The following CEP120 variants were observed in gnomAD, a reference collection of about 807,000 sequenced individuals.
The protein encoded by CEP120 is centrosomal protein of 120 kDa.
Under a neutral mutation model 126.5 loss-of-function variants are expected in CEP120, and 113 were observed. The ratio of observed to expected loss-of-function variants is 0.89; its 90% CI spans 0.77 to 1.04. The LOEUF (loss-of-function observed/expected upper bound fraction) is 1.04, where lower values mean the gene tolerates loss of function less well. Among genes scored for constraint, CEP120 ranks in the 50% least tolerant of loss-of-function variants. CEP120 has a pLI of 0.00. For missense variants in CEP120, 1,230 were observed against 1,155.7 expected (o/e 1.06, Z -0.93); for synonymous variants, 400 against 394.3 (o/e 1.01, Z -0.17).
chr5:123,349,728 ACTC>A (rs1411665281), intron 19 of CEP120, among the ~76,000 whole-genome samples: 1 of 151,932 alleles, frequency 6.6e-6, no homozygotes, highest in Non-Finnish European at 1.5e-5. Flanking sequence ...GCAGCCTGGA[ACTC>A]CTGGGCTCAA....
At chr5:123,391,086 G>C (rs1171905108) in intron 7 of CEP120, 24 bp downstream of exon 7, 23 of 1,564,912 alleles carry the variant, frequency 1.5e-5, no homozygotes, top group Non-Finnish European at 2.0e-5. Flanking sequence ...GAAGCCAGGG[G>C]AATGAAGGAG....
At chr5:123,375,821 C>T (rs765929916) in intron 16 of CEP120, among the ~76,000 whole-genome samples, 9 of 152,108 alleles carry the variant, frequency 5.9e-5, no homozygotes, top group Non-Finnish European at 1.2e-4. Context: ...GACTACCCTA[C>T]TTGGTAACAA....
At chr5:123,399,074 G>T (rs58659496) in intron 5 of CEP120, 62 bp downstream of exon 5, 2 of 1,293,140 alleles carry the variant, frequency 1.5e-6, no homozygotes, top group Non-Finnish European at 2.1e-6. Context: ...TACCTGAAAG[G>T]TAAAATGTTT....
At chr5:123,403,758 G>A in intron 4 of CEP120, 2 of 410,992 alleles carry the variant, frequency 4.9e-6, no homozygotes, top group Non-Finnish European at 4.8e-6. Flanking sequence ...AGATGCATAA[G>A]CTAAATCTAA....
At chr5:123,421,409 C>T (rs896403780) in intron 1 of CEP120, among the ~76,000 whole-genome samples, 1 of 152,186 alleles carries the variant, frequency 6.6e-6, no homozygotes, top group Non-Finnish European at 1.5e-5. Context: ...TATTAACACA[C>T]ATCGCACAGC....
chr5:123,366,722 A>C (rs1770487226), intron 17 of CEP120, among the ~76,000 whole-genome samples: 1 of 151,866 alleles, frequency 6.6e-6, no homozygotes. Context: ...CCAGCCTCAA[A>C]TCTATTCTAT....
At chr5:123,421,019 G>A (rs1214774114) in intron 1 of CEP120, among the ~76,000 whole-genome samples, 1 of 152,178 alleles carries the variant, frequency 6.6e-6, no homozygotes, top group Non-Finnish European at 1.5e-5. Context: ...TTTTGGGTAT[G>A]TTTGTGGAAA....
rs562793916 is a variant in CEP120 at position 123,376,077 on chromosome 5, AG to A, written c.2358+1296del. On this transcript the variant is annotated intron_variant, in intron 16 of 19. Transcript: ENST00000306467. ...GACTCCTGGGATACAGCTATAAACC[AG>A]AACAGTTTTTATGGAGCAAACAATC... 9.9e-5 allele frequency among the ~76,000 whole-genome samples: 15 copies of A among 152,148 alleles called. No homozygotes were observed. The East Asian group carries it at 2.9e-3, about 30-fold the overall frequency.
At chr5:123,352,242 T>TA (rs1318095307) in intron 18 of CEP120, among the ~76,000 whole-genome samples, 1 of 152,106 alleles carries the variant, frequency 6.6e-6, no homozygotes. Context: ...CCTGTCTTTT[T>TA]ACTCCATTAA....
At chr5:123,393,518 A>G (rs746403241) in intron 5 of CEP120, 21 bp from the exon 6 acceptor site, 11 of 1,591,864 alleles carry the variant, frequency 6.9e-6, no homozygotes, top group Admixed American at 1.7e-5. Context: ...CAGGAAAAAG[A>G]AAACAGTTAT....
At chr5:123,389,894 G>T (rs1202680937) in intron 8 of CEP120, 30 bp downstream of exon 8, 3 of 1,566,702 alleles carry the variant, frequency 1.9e-6, no homozygotes, top group Non-Finnish European at 2.6e-6. Flanking sequence ...ATACCTCAAA[G>T]ATCTATAAAC....
chr5:123,405,656 G>A (rs1773593910), intron 4 of CEP120, among the ~76,000 whole-genome samples: 2 of 152,064 alleles, frequency 1.3e-5, no homozygotes, highest in African/African-American at 4.8e-5. Flanking sequence ...CAGATCCAAG[G>A]GGCACAGGCT....
chr5:123,352,731 T>C (rs7717639), intron 18 of CEP120, among the ~76,000 whole-genome samples: 108,461 of 151,798 alleles, frequency 0.71, 38,878 homozygotes, highest in African/African-American at 0.75. Context: ...TGAGATTTTA[T>C]GATGATTATA....
chr5:123,346,823 A>C, intron 19 of CEP120, 70 bp from the exon 20 acceptor site: 3 of 1,120,056 alleles, frequency 2.7e-6, no homozygotes, highest in South Asian at 1.9e-5. Flanking sequence ...TTTAAAAACA[A>C]AATGATTCAA....
intron 5 of CEP120, among the ~76,000 whole-genome samples, chr5:123,398,315 G>GCAAT (rs1772936228): frequency 6.6e-6 from 1 of 152,132 alleles, no homozygotes; most frequent in Non-Finnish European, 1.5e-5. Context: ...TGTTGGGAAG[G>GCAAT]CAATCTACCA....
At chr5:123,418,542 T>A (rs373285070) in intron 1 of CEP120, 27 bp from the exon 2 acceptor site, 1 of 1,526,816 alleles carries the variant, frequency 6.5e-7, no homozygotes, top group Non-Finnish European at 8.9e-7. Flanking sequence ...TATAGATTAA[T>A]CAAAAGTGTA....
At chr5:123,361,271 G>A (rs1037350636) in intron 18 of CEP120, among the ~76,000 whole-genome samples, 1 of 151,764 alleles carries the variant, frequency 6.6e-6, no homozygotes, top group Non-Finnish European at 1.5e-5. Flanking sequence ...AGCTTTGAGT[G>A]ACAAATGTGG....
intron 2 of CEP120, among the ~76,000 whole-genome samples, chr5:123,417,182 T>C (rs538020578): frequency 6.6e-6 from 1 of 152,222 alleles, no homozygotes; most frequent in Non-Finnish European, 1.5e-5. Context: ...GACTCCATTA[T>C]AGACACCACT....
rs1005671778 is a variant in CEP120, at chr5:123,377,466, G to A, written c.2266C>T (p.Arg756Cys). ...RNLQELQDSI[R>C]RAKEDCIHQV... ...TGAATACAGTCCTCTTTGGCCCTAC[G>A]GATAGAGTCCTGCAGTTCTTGCAGG... Residue 756 changes from arginine (R) to cysteine (C), a missense_variant, in exon 16 of 20, where the codon CGT (arginine) becomes TGT (cysteine). Transcript: ENST00000306467. 23 of 1,610,642 alleles carry A rather than the reference G, an allele frequency of 1.4e-5. No homozygotes were observed. Among genetic ancestry groups the A allele is most frequent in the Middle Eastern group, 3.3e-4 (2 of 6,050 alleles).
Sources: gnomAD v4.1 joint callset for allele counts (sites outside exome capture counted in the v4.1 genomes callset) on GRCh38, gnomAD v4.1.1 for gene constraint, MANE v1.5 for transcripts, NCBI Gene and HGNC (gene_info 2026-07-23, HGNC 2026-07-21) for gene names.